The following TRIM29 variants were observed in gnomAD, a reference collection of about 807,000 sequenced individuals.
TRIM29 encodes the protein tripartite motif-containing protein 29.
In TRIM29, 52 loss-of-function variants were observed where a neutral mutation model predicts 57.3. The observed-to-expected ratio is 0.91, with a 90% confidence interval of 0.73 to 1.14. The LOEUF (loss-of-function observed/expected upper bound fraction) is 1.14. Among genes scored for constraint, TRIM29 ranks in the 50% most tolerant of loss-of-function variants. The pLI is 0.00. For missense variants in TRIM29, 753 were observed against 774.6 expected, an observed-to-expected ratio of 0.97 and a Z score of 0.33; for synonymous variants, 319 against 316.9, an observed-to-expected ratio of 1.01 and a Z score of -0.07.
At chr11:120,136,864 AAC>A (rs1301149688) in intron 1 of TRIM29, among the ~76,000 whole-genome samples, 1 of 152,148 alleles carries the variant, frequency 6.6e-6, no homozygotes, top group Non-Finnish European at 1.5e-5. Flanking sequence ...AGAAGAAAGA[AAC>A]ACCTCAGCCA....
intron 1 of TRIM29, among the ~76,000 whole-genome samples, chr11:120,136,328 G>A (rs1863811845): frequency 6.6e-6 from 1 of 152,122 alleles, no homozygotes; most frequent in Non-Finnish European, 1.5e-5. Context: ...ACTTACATTA[G>A]CCGACAGTTT....
rs1056899969 is a variant in TRIM29, at chr11:120,112,171, T to C, written c.*243A>G. On this transcript the variant is annotated 3_prime_UTR_variant, in exon 9 of 9. Coordinates refer to ENST00000341846, the MANE Select transcript of TRIM29 (RefSeq NM_012101.4). Reference sequence around the variant, plus strand: ...CTCACCCCTGTGATGGGTTGGCCTCTGAGCACAGGAATGATGGTGACCATC... The same window carrying C: ...CTCACCCCTGTGATGGGTTGGCCTCCGAGCACAGGAATGATGGTGACCATC... 1.1e-4 allele frequency: 52 copies of C among 482,526 alleles called. No individual in the cohort carries two copies. Among genetic ancestry groups the C allele is most frequent in the Non-Finnish European group, 3.7e-5 (10 of 267,564 alleles). The allele number at this position is 482,526 out of a possible 1,614,324, so 29.9% of individuals were successfully genotyped here.
intron 1 of TRIM29, among the ~76,000 whole-genome samples, chr11:120,131,757 T>C (rs1054358347): frequency 1.3e-5 from 2 of 151,586 alleles, no homozygotes; most frequent in Non-Finnish European, 2.9e-5. Context: ...CTTGTGTCTG[T>C]TCAGCTCTTG....
At chr11:120,113,334 A>T (rs1565311106) in intron 8 of TRIM29, among the ~76,000 whole-genome samples, 2 of 152,068 alleles carry the variant, frequency 1.3e-5, no homozygotes, top group Non-Finnish European at 1.5e-5. Context: ...CTGCCCAGAT[A>T]ACTTCATCAG....
intron 1 of TRIM29, among the ~76,000 whole-genome samples, chr11:120,135,858 G>C (rs1453431176): frequency 6.6e-6 from 1 of 152,152 alleles, no homozygotes; most frequent in African/African-American, 2.4e-5. Context: ...CAGGAAAGTG[G>C]AGTTCACTGC....
In TRIM29 at chr11:120,120,762, G is replaced by A. The variant is rs774086245; in HGVS notation, c.1436-97C>T. On this transcript the variant is annotated intron_variant, in intron 5 of 8. Transcript: ENST00000341846. The stretch of plus-strand genomic sequence containing the variant: ...GCCCAAGTGCCCATCACAGGACCTG[G>A]ATTCCACCACTGAGAGAAGTCCTTT... 3 of 979,604 alleles carry A rather than the reference G, an allele frequency of 3.1e-6. No individual in the cohort carries two copies. In the African/African-American group the frequency reaches 4.8e-5, roughly 16 times the overall value. 60.7% of individuals were successfully genotyped at this position (979,604 alleles called of 1,614,324 possible).
intron 4 of TRIM29, chr11:120,123,755 A>C (rs1252574351): frequency 6.1e-6 from 2 of 327,386 alleles, no homozygotes; most frequent in Admixed American, 8.5e-5. Context: ...TCTCCTGAGC[A>C]AGAGGAGAAA....
At chr11:120,126,212 A>G (rs1356911317) in intron 3 of TRIM29, 1 of 239,334 alleles carries the variant, frequency 4.2e-6, no homozygotes, top group African/African-American at 2.2e-5. Flanking sequence ...AAATGCAAGG[A>G]ATTACTATAG....
At chr11:120,117,595 G>A (rs186318214) in intron 7 of TRIM29, 1 of 155,544 alleles carries the variant, frequency 6.4e-6, no homozygotes, top group African/African-American at 2.4e-5. Context: ...GGAGATACAT[G>A]AGGGTCTGGG....
intron 4 of TRIM29, chr11:120,123,737 C>CCT (rs1863517487): frequency 5.9e-6 from 2 of 337,224 alleles, no homozygotes; most frequent in Admixed American, 4.1e-5. Flanking sequence ...CCTGTCCTTC[C>CCT]CTCTCTCTCT....
chr11:120,136,864 A>G (rs1863826865), intron 1 of TRIM29, among the ~76,000 whole-genome samples: 1 of 152,148 alleles, frequency 6.6e-6, no homozygotes, highest in Admixed American at 6.5e-5. Flanking sequence ...AGAAGAAAGA[A>G]ACACCTCAGC....
chr11:120,112,258 C>T lies in TRIM29; in HGVS notation c.*156G>A. The T allele has an allele frequency of 1.3e-6, 1 of 766,654 alleles. No individual in the cohort carries two copies. The highest frequency in any genetic ancestry group is 1.8e-5 in the South Asian group (1 of 56,136). The allele number at this position is 766,654 out of a possible 1,614,324, so 47.5% of individuals were successfully genotyped here. A position where few individuals can be genotyped will look rare whatever the true frequency, so the allele number is the denominator to read the frequency against. ...GTGGCCAGTGGGGAAGTCGGAGAGG[C>T]CGGAACTGCCCCCAAGAGGCTGGCA... On this transcript the variant is annotated 3_prime_UTR_variant, in exon 9 of 9. Transcript: ENST00000341846.
Position 120,125,456 on chromosome 11 carries a change from G to A in TRIM29, c.1333+235C>T, listed in dbSNP as rs568497664. 3.5e-3 allele frequency: 1,904 copies of A among 541,062 alleles called. 9 individuals are homozygous for A. The highest frequency in any genetic ancestry group is 5.4e-3 in the Middle Eastern group (11 of 2,028). 33.5% of individuals were successfully genotyped at this position (541,062 alleles called of 1,614,324 possible). A position where few individuals can be genotyped will look rare whatever the true frequency, so the allele number is the denominator to read the frequency against. On this transcript the variant is annotated intron_variant, in intron 4 of 8. Transcript: ENST00000341846. ...AGGCATTTGTGGAGCCAGTGCCCAGGATGTCCCTGCTCTGGAGGTCTCTTC... is the reference window on the plus strand; with the variant it reads ...AGGCATTTGTGGAGCCAGTGCCCAGAATGTCCCTGCTCTGGAGGTCTCTTC...
intron 2 of TRIM29, 37 bp from the exon 3 acceptor site, chr11:120,127,606 C>T: frequency 2.5e-6 from 4 of 1,584,352 alleles, no homozygotes; most frequent in Non-Finnish European, 3.4e-6. Context: ...TTAGGCAGGG[C>T]TTTAGTTAGG....
intron 1 of TRIM29, among the ~76,000 whole-genome samples, chr11:120,136,468 G>A (rs1183193329): frequency 2.0e-5 from 3 of 152,116 alleles, no homozygotes; most frequent in Non-Finnish European, 2.9e-5. Context: ...AGCTGTACAC[G>A]TACACGCCAT....
intron 2 of TRIM29, among the ~76,000 whole-genome samples, chr11:120,128,135 A>G (rs937401069): frequency 2.6e-5 from 4 of 152,200 alleles, no homozygotes; most frequent in African/African-American, 9.7e-5. Context: ...GGACATTGGA[A>G]GACACACTGG....
At chr11:120,115,004 C>T (rs749310268) in intron 8 of TRIM29, among the ~76,000 whole-genome samples, 1 of 152,198 alleles carries the variant, frequency 6.6e-6, no homozygotes, top group Non-Finnish European at 1.5e-5. Flanking sequence ...GGCTGTTTTA[C>T]AATCCCAGAG....
Position 120,122,161 on chromosome 11 carries a change from T to TGA in TRIM29, c.1435+792_1435+793insTC, listed in dbSNP as rs1357827462. On this transcript the variant is annotated intron_variant, in intron 5 of 8. Coordinates refer to ENST00000341846, the MANE Select transcript of TRIM29 (RefSeq NM_012101.4). ...GTGTGTGTGTGTGTGTGTGTGTGTG[T>TGA]GTGAAAGACGTGTGTGAATTACTGA... Among the ~76,000 whole-genome samples, 304 of 136,422 alleles carry TGA rather than the reference T, an allele frequency of 2.2e-3. 2 individuals are homozygous for TGA. Among genetic ancestry groups the TGA allele is most frequent in the African/African-American group, 7.6e-3 (292 of 38,470 alleles). 89.5% of individuals were successfully genotyped at this position (136,422 alleles called of 152,430 possible). A position where few individuals can be genotyped will look rare whatever the true frequency, so the allele number is the denominator to read the frequency against.
chr11:120,115,086 G>A (rs1315113962), intron 8 of TRIM29, among the ~76,000 whole-genome samples: 3 of 152,172 alleles, frequency 2.0e-5, no homozygotes, highest in Non-Finnish European at 2.9e-5. Flanking sequence ...AAAAATCAAG[G>A]CTGCCCATTT....
Sources: gnomAD v4.1 joint callset for allele counts (sites outside exome capture counted in the v4.1 genomes callset) on GRCh38, gnomAD v4.1.1 for gene constraint, MANE v1.5 for transcripts, NCBI Gene and HGNC (gene_info 2026-07-23, HGNC 2026-07-21) for gene names.